The following PCCA variants were observed in gnomAD, a reference collection of about 807,000 sequenced individuals.
PCCA encodes propionyl-CoA carboxylase alpha chain, mitochondrial.
PCCA carries 74 observed loss-of-function variants against 101.3 expected under a neutral mutation model. The ratio of observed to expected loss-of-function variants is 0.73; its 90% CI spans 0.61 to 0.89. The LOEUF is 0.89. Ranked by LOEUF, PCCA falls within the 40% of genes least tolerant of loss-of-function variation. The pLI, the probability that PCCA is intolerant of heterozygous loss-of-function variation, is 0.00. For missense variants in PCCA, 891 were observed against 907.0 expected (o/e 0.98, Z 0.23); for synonymous variants, 294 against 313.6 (o/e 0.94, Z 0.66).
chr13:100,460,046 C>T (rs1442152377), intron 21 of PCCA, among the ~76,000 whole-genome samples: 3 of 152,252 alleles, frequency 2.0e-5, no homozygotes, highest in Non-Finnish European at 4.4e-5. Context: ...TGAATTTGGA[C>T]GTTCAGTCCC....
At chr13:100,361,547 C>T (rs986239473) in intron 18 of PCCA, among the ~76,000 whole-genome samples, 1 of 151,678 alleles carries the variant, frequency 6.6e-6, no homozygotes, top group Non-Finnish European at 1.5e-5. Context: ...TGACAAAGGC[C>T]TTGTATCCAA....
intron 20 of PCCA, among the ~76,000 whole-genome samples, chr13:100,431,383 T>C (rs922267199): frequency 6.6e-6 from 1 of 152,198 alleles, no homozygotes; most frequent in Non-Finnish European, 1.5e-5. Context: ...TTTTATTGTT[T>C]TAAGTTATCC....
chr13:100,173,154 GA>G (rs1339833208), intron 6 of PCCA, among the ~76,000 whole-genome samples: 1 of 152,176 alleles, frequency 6.6e-6, no homozygotes, highest in Non-Finnish European at 1.5e-5. Flanking sequence ...CTAGCAGTGG[GA>G]AAAACAGGCA....
intron 8 of PCCA, among the ~76,000 whole-genome samples, chr13:100,238,775 T>C (rs2060958001): frequency 6.6e-6 from 1 of 152,224 alleles, no homozygotes; most frequent in African/African-American, 2.4e-5. Context: ...TTGTTTGATA[T>C]TTCGTAAGTT....
intron 19 of PCCA, among the ~76,000 whole-genome samples, chr13:100,375,160 C>T (rs1458952682): frequency 1.3e-5 from 2 of 152,082 alleles, no homozygotes; most frequent in Admixed American, 6.6e-5. Context: ...GTTCAGTTTC[C>T]ATGTAGTTGT....
intron 19 of PCCA, among the ~76,000 whole-genome samples, chr13:100,397,766 T>A (rs1595743113): frequency 6.6e-6 from 1 of 151,854 alleles, no homozygotes; most frequent in Non-Finnish European, 1.5e-5. Context: ...TCGCTTGTGG[T>A]TTTTATAAAA....
chr13:100,197,432 C>A (rs1440507072), intron 6 of PCCA, among the ~76,000 whole-genome samples: 1 of 151,818 alleles, frequency 6.6e-6, no homozygotes, highest in Non-Finnish European at 1.5e-5. Flanking sequence ...TGGGCTTTAC[C>A]TTTTATTATT....
chr13:100,521,823 A>G (rs1203355440), intron 22 of PCCA, among the ~76,000 whole-genome samples: 2 of 152,194 alleles, frequency 1.3e-5, no homozygotes, highest in African/African-American at 2.4e-5. Flanking sequence ...ACCAGGGCTG[A>G]TATTGATCCG....
At chr13:100,381,781 G>T (rs1025929778) in intron 19 of PCCA, among the ~76,000 whole-genome samples, 2 of 152,224 alleles carry the variant, frequency 1.3e-5, no homozygotes, top group Non-Finnish European at 2.9e-5. Flanking sequence ...CACTGGAACT[G>T]ACCAGCCGTT....
At chr13:100,292,433 A>G (rs547578507) in intron 12 of PCCA, among the ~76,000 whole-genome samples, 105 of 152,306 alleles carry the variant, frequency 6.9e-4, no homozygotes, top group Non-Finnish European at 1.2e-3. Flanking sequence ...TTTGCTGTAT[A>G]GGATTGTCAG....
chr13:100,301,736 A>C, intron 13 of PCCA, 133 bp downstream of exon 13: 2 of 1,053,442 alleles, frequency 1.9e-6, no homozygotes, highest in Admixed American at 1.8e-5. Flanking sequence ...CCATAATTAA[A>C]TCAGAAAAAA....
intron 7 of PCCA, among the ~76,000 whole-genome samples, chr13:100,232,348 A>ATGTG (rs1555387961): frequency 5.0e-5 from 3 of 60,384 alleles, no homozygotes; most frequent in South Asian, 1.4e-3. Context: ...GTGTGTGTGT[A>ATGTG]TGCGTGTGTG....
chr13:100,342,355 C>G lies in PCCA; in HGVS notation c.1643+2096C>G, dbSNP rs112563730. ...CTCGGCTCACTGCAGCCTTCATCTC[C>G]CGGGTTCAAGCGATTCTCCTGCCTC... On this transcript the variant is annotated intron_variant, in intron 18 of 23. Transcript: ENST00000376285. Among the ~76,000 whole-genome samples, 824 of 151,820 alleles carry G rather than the reference C, an allele frequency of 5.4e-3. 12 individuals carry two copies. Among genetic ancestry groups the G allele is most frequent in the African/African-American group, 0.019 (803 of 41,398 alleles).
chr13:100,422,070 T>TTTCTTTG (rs10668689), intron 19 of PCCA, among the ~76,000 whole-genome samples: 1 of 110,666 alleles, frequency 9.0e-6, no homozygotes. Flanking sequence ...TTCTCTTTTC[T>TTTCTTTG]TTTCTTTCTT....
At chr13:100,300,357 A>G (rs2065966056) in intron 12 of PCCA, among the ~76,000 whole-genome samples, 1 of 151,990 alleles carries the variant, frequency 6.6e-6, no homozygotes, top group Non-Finnish European at 1.5e-5. Flanking sequence ...CTTTTTTTTT[A>G]AGACTATGGC....
intron 5 of PCCA, among the ~76,000 whole-genome samples, chr13:100,156,247 T>C (rs915047857): frequency 2.6e-5 from 4 of 152,154 alleles, no homozygotes; most frequent in African/African-American, 9.7e-5. Flanking sequence ...TTTGTATTTT[T>C]AGTAGAGAAG....
intron 14 of PCCA, among the ~76,000 whole-genome samples, chr13:100,303,767 T>C (rs911553783): frequency 1.3e-5 from 2 of 152,188 alleles, no homozygotes; most frequent in African/African-American, 2.4e-5. Flanking sequence ...ATTGGATATA[T>C]GATTTATTTC....
intron 21 of PCCA, among the ~76,000 whole-genome samples, chr13:100,450,473 A>G (rs993869726): frequency 1.3e-5 from 2 of 151,930 alleles, no homozygotes; most frequent in African/African-American, 4.8e-5. Flanking sequence ...CCATGTATTC[A>G]TTCACCAGAT....
Position 100,449,008 on chromosome 13 carries a change from A to G in PCCA, c.1846-244A>G, listed in dbSNP as rs2081034884. Among the ~76,000 whole-genome samples, 2 of 152,198 alleles carry G rather than the reference A, an allele frequency of 1.3e-5. 1 individual carries two copies. Among genetic ancestry groups the G allele is most frequent in the African/African-American group, 4.8e-5 (2 of 41,448 alleles). ...ACCTTCCATCTCCATGGATTTTACT[A>G]TTCTGGACATCTCTTATTAAGTGGA... On this transcript the variant is annotated intron_variant, in intron 20 of 23. Coordinates refer to ENST00000376285, the MANE Select transcript of PCCA (RefSeq NM_000282.4).
Sources: gnomAD v4.1 joint callset for allele counts (sites outside exome capture counted in the v4.1 genomes callset) on GRCh38, gnomAD v4.1.1 for gene constraint, MANE v1.5 for transcripts, NCBI Gene and HGNC (gene_info 2026-07-23, HGNC 2026-07-21) for gene names.